APOB: variants seen among roughly 807,000 people sequenced by gnomAD.
APOB encodes the protein apolipoprotein B, also known as apolipoprotein B-100.
APOB carries 153 observed loss-of-function variants against 314.1 expected under a neutral mutation model. The ratio of observed to expected loss-of-function variants is 0.49; its 90% CI spans 0.43 to 0.56. The LOEUF is 0.56. Among genes scored for constraint, APOB ranks in the 20% least tolerant of loss-of-function variants. The pLI, the probability that APOB is intolerant of heterozygous loss-of-function variation, is 0.00. For synonymous variants in APOB, 2,087 were observed against 2,036.4 expected (o/e 1.02, Z -0.67); for missense variants, 5,430 against 5,350.7 (o/e 1.01, Z -0.46).
chr2:21,016,448 C>A lies in APOB; in HGVS notation c.3323G>T (p.Gly1108Val). The A allele has an allele frequency of 1.3e-6, 2 of 1,595,678 alleles. No individual in the cohort carries two copies. Among genetic ancestry groups the A allele is most frequent in the East Asian group, 2.2e-5 (1 of 44,778 alleles). Residue 1108 changes from glycine to valine, a missense_variant, in exon 21 of 29, where the codon GGC becomes GTC. Gly to Val is a moderately radical substitution (Grantham distance 109). This residue lies in a region of APOB where 2,085 missense variants were observed against 2,079.7 expected (regional missense o/e 1.00). Coordinates refer to ENST00000233242, the MANE Select transcript of APOB (RefSeq NM_000384.3). ...CCTCGGCCTTCTTTACCTTAGGTGG[C>A]CCATGAGGGCGACCTCAGTAATTTT... Reference protein sequence around the residue: ...NKKITEVALMGHLSCDTKEER... With the variant: ...NKKITEVALMVHLSCDTKEER...
At chr2:21,037,603 C>G (rs938042822) in intron 5 of APOB, among the ~76,000 whole-genome samples, 6 of 152,094 alleles carry the variant, frequency 3.9e-5, no homozygotes. Context: ...TAAAAGAGAC[C>G]AGCAACAGAT....
chr2:21,005,809 A>G lies in APOB; in HGVS notation c.11059T>C (p.Phe3687Leu), dbSNP rs779642264. 1.2e-6 allele frequency: 2 copies of G among 1,613,928 alleles called. No homozygotes were observed. The highest frequency in any genetic ancestry group is 1.3e-5 in the African/African-American group (1 of 74,912). Residue 3687 changes from phenylalanine (F) to leucine (L), a missense_variant, in exon 26 of 29, where the codon TTC (phenylalanine) becomes CTC (leucine). Transcript: ENST00000233242. ...LPVYDKSLWD[F>L]LKLDVTTSIG... ...CTGGTGGTTACATCCAGCTTTAGGA[A>G]ATCCCATAAGCTCTTGTCATAGACT... is the stretch of plus-strand genomic sequence containing the variant.
chr2:21,040,762 G>A (rs970157020), intron 4 of APOB, among the ~76,000 whole-genome samples, 176 bp downstream of exon 4: 1 of 152,204 alleles, frequency 6.6e-6, no homozygotes. Context: ...CCTAACTAGG[G>A]AAGGTTAACT....
intron 6 of APOB, 117 bp from the exon 7 acceptor site, chr2:21,035,825 A>G: frequency 9.4e-7 from 1 of 1,061,878 alleles, no homozygotes; most frequent in Non-Finnish European, 1.4e-6. Context: ...ACTCAGAGAA[A>G]GAAGATAACT....
Position 21,042,481 on chromosome 2 carries a change from C to A in APOB, c.122-5G>T. ...GCTTGAATCGGGTCGCATCTTCTAA[C>A]GTGGGGAGAAATACGTCAGCCACAT... is the stretch of plus-strand genomic sequence containing the variant. On this transcript the variant is annotated splice_region_variant and splice_polypyrimidine_tract_variant and intron_variant, in intron 2 of 28. Coordinates refer to ENST00000233242, the MANE Select transcript of APOB (RefSeq NM_000384.3). 2 of 1,612,046 alleles carry A rather than the reference C, an allele frequency of 1.2e-6. No individual in the cohort carries two copies. Among genetic ancestry groups the A allele is most frequent in the Non-Finnish European group, 1.7e-6 (2 of 1,178,108 alleles).
At position 21,007,347 on chromosome 2, in the gene APOB, T is replaced by C; in HGVS notation, c.9521A>G (p.Lys3174Arg). ...TTKQSFDLSV[K>R]AQYKKNKHRH... ...GTGTTTGTTTTTCTTATACTGAGCT[T>C]TTACACTTAAATCAAATGATTGCTT... The change falls in exon 26 of 29, where the codon AAA (lysine) becomes AGA (arginine). Residue 3174 changes from lysine to arginine, a missense_variant. By Grantham distance (26) the Lys-to-Arg change is conservative. Transcript: ENST00000233242. The C allele has an allele frequency of 6.2e-7, 1 of 1,614,072 alleles. No homozygotes were observed. Among genetic ancestry groups the C allele is most frequent in the African/African-American group, 1.3e-5 (1 of 75,052 alleles).
In APOB at chr2:21,024,962, C is replaced by A. The variant is rs757185314; in HGVS notation, c.2407G>T (p.Ala803Ser). 1.2e-5 allele frequency: 19 copies of A among 1,614,032 alleles called. No homozygotes were observed. Among genetic ancestry groups the A allele is most frequent in the Non-Finnish European group, 1.5e-5 (18 of 1,180,030 alleles). ...QLLGKLLLMG[A>S]RTLQGIPQMI... The stretch of plus-strand genomic sequence containing the variant: ...TGGGGGATCCCCTGCAGAGTGCGGG[C>A]ACCCATCAGAAGCAGCTTTCCCAGG... The change falls in exon 16 of 29, where the codon GCC becomes TCC. Residue 803 changes from alanine to serine, a missense_variant. Coordinates refer to ENST00000233242, the MANE Select transcript of APOB (RefSeq NM_000384.3).
chr2:21,011,483 A>G lies in APOB; in HGVS notation c.5385T>C (p.Thr1795=). 6.2e-7 allele frequency: 1 copy of G among 1,614,204 alleles called. No individual in the cohort carries two copies. The highest frequency in any genetic ancestry group is 8.5e-7 in the Non-Finnish European group (1 of 1,180,032). The change falls in exon 26 of 29, where the codon ACT becomes ACC. Residue 1795 remains threonine, a synonymous_variant. Transcript: ENST00000233242. ...NLQLQPYSLV[T]TLNSDLKYNA... ...TGTATTTCAGGTCACTGTTTAAAGT[A>G]GTTACCAGAGAATAGGGCTGTAGCT...
In APOB at chr2:21,027,714, AG is replaced by A. The variant is rs1306089823; in HGVS notation, c.2067+113del. 26 of 824,340 alleles carry A rather than the reference AG, an allele frequency of 3.2e-5. No homozygotes were observed. In the East Asian group the frequency reaches 6.3e-4, roughly 20 times the overall value. 51.1% of individuals were successfully genotyped at this position (824,340 alleles called of 1,614,324 possible). Reference sequence around the variant, plus strand: ...AAGAAGAAAGCCTCAGAATCATGGTAGGAAGTGCCTGGTGGTTCTTAGTTTT... The same window carrying A: ...AAGAAGAAAGCCTCAGAATCATGGTAGAAGTGCCTGGTGGTTCTTAGTTTT... On this transcript the variant is annotated intron_variant, in intron 14 of 28. Transcript: ENST00000233242.
rs1485732280 is a variant in APOB at position 21,026,922 on chromosome 2, G to A, written c.2110C>T (p.Leu704Phe). The A allele has an allele frequency of 6.2e-7, 1 of 1,614,170 alleles. No homozygotes were observed. The highest frequency in any genetic ancestry group is 8.5e-7 in the Non-Finnish European group (1 of 1,180,030). The change falls in exon 15 of 29, where the codon CTT becomes TTT. Residue 704 changes from leucine (L) to phenylalanine (F), a missense_variant. By Grantham distance (22) the Leu-to-Phe change is conservative. Coordinates refer to ENST00000233242, the MANE Select transcript of APOB (RefSeq NM_000384.3). ...GKGFEPTLEA[L>F]FGKQGFFPDS... Reference sequence around the variant, plus strand: ...GGGAAAAATCCTTGCTTCCCAAAAAGAGCTTCCAATGTTGGCTCAAAGCCT... The same window carrying A: ...GGGAAAAATCCTTGCTTCCCAAAAAAAGCTTCCAATGTTGGCTCAAAGCCT...
chr2:21,032,650 T>C (rs1281215168), intron 9 of APOB, 69 bp from the exon 10 acceptor site: 1 of 1,266,594 alleles, frequency 7.9e-7, no homozygotes, highest in Non-Finnish European at 1.1e-6. Flanking sequence ...GCTCATGGTG[T>C]GTCCTCTGCC....
At chr2:21,005,025 A>G in intron 26 of APOB, 55 bp downstream of exon 26, 1 of 1,594,116 alleles carries the variant, frequency 6.3e-7, no homozygotes, top group Non-Finnish European at 8.6e-7. Context: ...TTATTTACTC[A>G]TAACTCTCAT....
In APOB at chr2:21,016,703, G is replaced by A. The variant is rs754936845; in HGVS notation, c.3122-54C>T. ...ATGTGTGGTAAGAAGCTATGTTTTG[G>A]GCCGGGTGCGGTGGCTCACACCTGT... On this transcript the variant is annotated intron_variant, in intron 20 of 28. Coordinates refer to ENST00000233242, the MANE Select transcript of APOB (RefSeq NM_000384.3). 5 of 1,240,062 alleles carry A rather than the reference G, an allele frequency of 4.0e-6. No homozygotes were observed. The South Asian group carries it at 4.8e-5, about 12-fold the overall frequency. The allele number at this position is 1,240,062 out of a possible 1,614,324, so 76.8% of individuals were successfully genotyped here. A position where few individuals can be genotyped will look rare whatever the true frequency, so the allele number is the denominator to read the frequency against.
Position 21,011,468 on chromosome 2 carries a change from G to A in APOB, c.5400C>T (p.Asp1800=), listed in dbSNP as rs1413299683. ...PYSLVTTLNS[D]LKYNALDLTN... is the part of the protein sequence containing the mutation. ...TGAGATCCAGAGCATTGTATTTCAG[G>A]TCACTGTTTAAAGTAGTTACCAGAG... is the stretch of plus-strand genomic sequence containing the variant. Residue 1800 remains aspartate, a synonymous_variant, in exon 26 of 29, where the codon GAC becomes GAT. Transcript: ENST00000233242. 3 of 1,614,160 alleles carry A rather than the reference G, an allele frequency of 1.9e-6. No homozygotes were observed. Among genetic ancestry groups the A allele is most frequent in the East Asian group, 2.2e-5 (1 of 44,888 alleles).
At chr2:21,028,637 C>A in intron 12 of APOB, 99 bp from the exon 13 acceptor site, 1 of 829,684 alleles carries the variant, frequency 1.2e-6, no homozygotes, top group South Asian at 1.4e-5. Flanking sequence ...TTCTTAAGCA[C>A]AGGTCTAATT....
At chr2:21,032,316 T>A (rs1456551500) in intron 10 of APOB, 38 bp downstream of exon 10, 1 of 1,569,320 alleles carries the variant, frequency 6.4e-7, no homozygotes, top group Admixed American at 1.7e-5. Context: ...AAGATGTTCC[T>A]CTGCTCCTAG....
At chr2:21,040,186 C>A (rs1664096584) in intron 4 of APOB, among the ~76,000 whole-genome samples, 1 of 152,212 alleles carries the variant, frequency 6.6e-6, no homozygotes, top group Non-Finnish European at 1.5e-5. Context: ...TGTCCCTCAC[C>A]TTCCGCCATG....
intron 26 of APOB, 53 bp downstream of exon 26, chr2:21,005,026 TA>T (rs1663088706): frequency 6.3e-7 from 1 of 1,593,840 alleles, no homozygotes; most frequent in African/African-American, 1.3e-5. Flanking sequence ...TATTTACTCA[TA>T]ACTCTCATTG....
chr2:21,004,960 C>T (rs938898787), intron 26 of APOB, 120 bp downstream of exon 26: 7 of 1,380,108 alleles, frequency 5.1e-6, no homozygotes, highest in East Asian at 2.3e-5. Flanking sequence ...TCTTTTCTTA[C>T]TTAAAATTTT....
Sources: gnomAD v4.1 joint callset for allele counts (sites outside exome capture counted in the v4.1 genomes callset) on GRCh38, gnomAD v4.1.1 for gene constraint, gnomAD v4.1.1 regional missense constraint, MANE v1.5 for transcripts, NCBI Gene and HGNC (gene_info 2026-07-23, HGNC 2026-07-21) for gene names.